Variants in C2CD5 observed in about 807,000 individuals in gnomAD.
C2CD5 encodes C2 domain-containing protein 5.
A neutral mutation model predicts 130.3 loss-of-function variants in C2CD5; 109 were observed. The ratio of observed to expected loss-of-function variants is 0.84; its 90% confidence interval spans 0.72 to 0.98. The LOEUF (loss-of-function observed/expected upper bound fraction) is 0.98, where lower values mean the gene tolerates loss of function less well. C2CD5 is among the 50% of genes least tolerant of loss of function. C2CD5 has a pLI of 0.00. For missense variants in C2CD5, 996 were observed against 1,261.8 expected, an observed-to-expected ratio of 0.79 and a Z score of 3.19; for synonymous variants, 454 against 429.2, an observed-to-expected ratio of 1.06 and a Z score of -0.71.
intron 12 of C2CD5, among the ~76,000 whole-genome samples, chr12:22,486,232 G>A (rs112676748): frequency 0.021 from 3,187 of 149,420 alleles, 104 homozygotes; most frequent in African/African-American, 0.074. Context: ...TGAAGCTTTT[G>A]CTTAAGGGAC....
chr12:22,491,946 C>T (rs747305110), intron 11 of C2CD5, among the ~76,000 whole-genome samples: 1 of 151,254 alleles, frequency 6.6e-6, no homozygotes, highest in Non-Finnish European at 1.5e-5. Flanking sequence ...TTAAAACCAT[C>T]AATGTGGCAA....
intron 21 of C2CD5, 68 bp from the exon 22 acceptor site, chr12:22,469,863 T>G: frequency 1.1e-6 from 1 of 888,968 alleles, no homozygotes; most frequent in East Asian, 3.0e-5. Flanking sequence ...ATTAAGAATC[T>G]GTGACAACAT....
Position 22,535,260 on chromosome 12 carries a change from C to A in C2CD5, c.175G>T (p.Glu59Ter). The stretch of plus-strand genomic sequence containing the variant: ...AATGCTGACATTTAAAAACTTACCT[C>A]AAATTTAAACCACTCCGAGTTCCAC... ...PQWNSEWFKF[E>*]VDDEDLQDEP... is the part of the protein sequence containing the mutation. The change falls in exon 3 of 27, where the codon GAG becomes TAG. Residue 59 changes from glutamate to a stop codon, truncating the protein, a stop_gained and splice_region_variant. Coordinates refer to ENST00000446597, the MANE Select transcript of C2CD5 (RefSeq NM_001286176.2). LOFTEE classifies it high-confidence loss of function. 1 of 1,583,496 alleles carries A rather than the reference C, an allele frequency of 6.3e-7. No homozygotes were observed. The highest frequency in any genetic ancestry group is 8.7e-7 in the Non-Finnish European group (1 of 1,154,232).
At position 22,493,271 on chromosome 12, in the gene C2CD5, G is replaced by A. The variant is rs1946590878; in HGVS notation, c.1214C>T (p.Ala405Val). 4.3e-6 allele frequency: 7 copies of A among 1,611,610 alleles called. No individual in the cohort carries two copies. The highest frequency in any genetic ancestry group is 3.3e-4 in the Middle Eastern group (2 of 6,048). ...GCCCACTACAGCATGACAGCCTAAT[G>A]CTTTAGCATGTGATTTTATTTCTTG... ...IRQEIKSHAKALGCHAVVGYS... is the reference protein window; with the variant it reads ...IRQEIKSHAKVLGCHAVVGYS... The change falls in exon 11 of 27, where the codon GCA becomes GTA. Residue 405 changes from alanine to valine, a missense_variant. Coordinates refer to ENST00000446597, the MANE Select transcript of C2CD5 (RefSeq NM_001286176.2).
At chr12:22,470,401 A>C (rs1332909757) in intron 21 of C2CD5, among the ~76,000 whole-genome samples, 2 of 152,122 alleles carry the variant, frequency 1.3e-5, no homozygotes, top group African/African-American at 4.8e-5. Flanking sequence ...CCTAAATTTT[A>C]CTGGATTAAG....
intron 12 of C2CD5, among the ~76,000 whole-genome samples, chr12:22,486,398 C>G (rs1338046268): frequency 6.6e-6 from 1 of 152,066 alleles, no homozygotes; most frequent in African/African-American, 2.4e-5. Context: ...CATATCAGTG[C>G]CAGAGCATTA....
Position 22,472,745 on chromosome 12 carries a change from T to A in C2CD5, c.2106A>T (p.Ser702=). The change falls in exon 17 of 27, where the codon TCA becomes TCT. Residue 702 remains serine (S), a splice_region_variant and synonymous_variant. Transcript: ENST00000446597. ...HSLLTDVPPP[S]GFYSCNTEIM... ...CTCAAAGATAACTTTTTTGTTCACC[T>A]GAAGGAGGAGGAACATCAGTAAGTA... 6.5e-7 allele frequency: 1 copy of A among 1,545,014 alleles called. No individual in the cohort carries two copies. The highest frequency in any genetic ancestry group is 8.9e-7 in the Non-Finnish European group (1 of 1,117,770).
chr12:22,525,377 A>T (rs1360994180), intron 5 of C2CD5, among the ~76,000 whole-genome samples: 2 of 152,214 alleles, frequency 1.3e-5, no homozygotes, highest in Admixed American at 1.3e-4. Flanking sequence ...CCTATACTAC[A>T]GTGAAATGTC....
intron 13 of C2CD5, among the ~76,000 whole-genome samples, chr12:22,483,011 G>A (rs1375207980): frequency 6.6e-6 from 1 of 152,036 alleles, no homozygotes; most frequent in Non-Finnish European, 1.5e-5. Flanking sequence ...AATAATAATT[G>A]TACAAGTTAA....
intron 22 of C2CD5, chr12:22,463,909 T>C (rs1032056453): frequency 1.3e-5 from 2 of 152,216 alleles, no homozygotes; most frequent in African/African-American, 4.8e-5. Context: ...ATTTTCCTAT[T>C]TAAACATTCT....
intron 14 of C2CD5, among the ~76,000 whole-genome samples, chr12:22,481,944 A>G (rs75664258): frequency 1.3e-5 from 2 of 151,684 alleles, no homozygotes; most frequent in African/African-American, 4.8e-5. Flanking sequence ...AAACACCTGT[A>G]TTTTATTACA....
At chr12:22,482,849 T>C (rs1944922745) in intron 13 of C2CD5, 106 bp from the exon 14 acceptor site, 6 of 762,628 alleles carry the variant, frequency 7.9e-6, no homozygotes, top group Non-Finnish European at 1.1e-5. Flanking sequence ...TTTACTTGTT[T>C]CTAATGGGCT....
intron 11 of C2CD5, among the ~76,000 whole-genome samples, chr12:22,491,399 T>C (rs1315871998): frequency 6.6e-6 from 1 of 152,160 alleles, no homozygotes; most frequent in Non-Finnish European, 1.5e-5. Flanking sequence ...ATATAATTCA[T>C]ATTCATCCCC....
intron 2 of C2CD5, 148 bp from the exon 3 acceptor site, chr12:22,535,492 G>C: frequency 1.7e-6 from 1 of 591,224 alleles, no homozygotes; most frequent in Admixed American, 3.1e-5. Flanking sequence ...GGTACAGATG[G>C]ATCCAGGTAA....
At chr12:22,468,514 G>A (rs1382035088) in intron 22 of C2CD5, among the ~76,000 whole-genome samples, 19 of 152,278 alleles carry the variant, frequency 1.2e-4, no homozygotes, top group African/African-American at 4.1e-4. Context: ...CAACAGGCCC[G>A]GCCCAAAGAA....
At chr12:22,513,901 A>T (rs1185682101) in intron 8 of C2CD5, among the ~76,000 whole-genome samples, 2 of 152,130 alleles carry the variant, frequency 1.3e-5, no homozygotes, top group African/African-American at 4.8e-5. Flanking sequence ...CCATTTCTAA[A>T]CATATCATGA....
intron 10 of C2CD5, among the ~76,000 whole-genome samples, chr12:22,493,585 T>C (rs1946639673): frequency 6.6e-6 from 1 of 152,088 alleles, no homozygotes. Context: ...TAGGAATATA[T>C]GATTAGATAT....
chr12:22,497,825 T>C, intron 10 of C2CD5, among the ~76,000 whole-genome samples: 1 of 151,972 alleles, frequency 6.6e-6, no homozygotes. Context: ...CTGGAGTCTT[T>C]ACTATCTGTA....
intron 22 of C2CD5, among the ~76,000 whole-genome samples, chr12:22,465,080 T>C (rs1195760879): frequency 6.6e-5 from 10 of 152,184 alleles, no homozygotes; most frequent in Non-Finnish European, 4.4e-5. Context: ...CGTAGACACC[T>C]AATTTTGAAG....
Sources: gnomAD v4.1 joint callset for allele counts (sites outside exome capture counted in the v4.1 genomes callset) on GRCh38, gnomAD v4.1.1 for gene constraint, MANE v1.5 for transcripts, NCBI Gene and HGNC (gene_info 2026-07-23, HGNC 2026-07-21) for gene names.